Variants in IMMP2L observed in about 807,000 individuals in gnomAD.
IMMP2L encodes the protein inner mitochondrial membrane peptidase subunit 2, also known as mitochondrial inner membrane protease subunit 2.
Under a neutral mutation model 19.3 loss-of-function variants are expected in IMMP2L, and 18 were observed. That is an observed-to-expected ratio of 0.93 (90% CI 0.64 to 1.38). The LOEUF is 1.38. Among genes scored for constraint, IMMP2L ranks in the 40% most tolerant of loss-of-function variants. The probability of loss-of-function intolerance (pLI) is 0.00; values close to 1 mark genes in which losing one functional copy is unlikely to be tolerated. For missense variants in IMMP2L, 233 were observed against 218.2 expected (o/e 1.07, Z -0.43); for synonymous variants, 76 against 73.0 (o/e 1.04, Z -0.21).
intron 5 of IMMP2L, among the ~76,000 whole-genome samples, chr7:110,836,493 T>G (rs1804489960): frequency 6.6e-6 from 1 of 152,114 alleles, no homozygotes; most frequent in African/African-American, 2.4e-5. Context: ...GTACAAGCTC[T>G]CTTCTCTTGC....
intron 3 of IMMP2L, among the ~76,000 whole-genome samples, chr7:111,057,410 C>CT (rs1793612527): frequency 2.1e-5 from 1 of 46,634 alleles, no homozygotes; most frequent in South Asian, 1.5e-3. Flanking sequence ...TAATTATAGT[C>CT]TAACACCAAA....
chr7:111,366,723 C>T (rs777551797), intron 3 of IMMP2L, among the ~76,000 whole-genome samples: 2 of 151,826 alleles, frequency 1.3e-5, no homozygotes, highest in Non-Finnish European at 2.9e-5. Context: ...CTGAAACTTT[C>T]GGAAGATTCT....
intron 3 of IMMP2L, among the ~76,000 whole-genome samples, chr7:111,415,407 C>A (rs1834869233): frequency 2.6e-5 from 4 of 151,668 alleles, no homozygotes; most frequent in South Asian, 2.1e-4. Context: ...TTCAGCTATG[C>A]CCAGACTTTT....
intron 3 of IMMP2L, among the ~76,000 whole-genome samples, chr7:111,366,610 A>T (rs1829785947): frequency 6.6e-6 from 1 of 151,994 alleles, no homozygotes; most frequent in Non-Finnish European, 1.5e-5. Context: ...TATTAATGTT[A>T]AATTTACTGA....
intron 4 of IMMP2L, among the ~76,000 whole-genome samples, chr7:110,933,697 T>G (rs1585324496): frequency 6.6e-6 from 1 of 152,328 alleles, no homozygotes; most frequent in Admixed American, 6.5e-5. Context: ...CCATGGATAA[T>G]GCCTGTGGGC....
At chr7:110,831,820 T>A (rs745429227) in intron 5 of IMMP2L, among the ~76,000 whole-genome samples, 1 of 152,200 alleles carries the variant, frequency 6.6e-6, no homozygotes, top group Non-Finnish European at 1.5e-5. Context: ...TACCCAGGTA[T>A]TCTTTCCAGG....
At chr7:111,391,221 CAGCTCTCTTGCT>C (rs1290992215) in intron 3 of IMMP2L, among the ~76,000 whole-genome samples, 1 of 152,044 alleles carries the variant, frequency 6.6e-6, no homozygotes, top group African/African-American at 2.4e-5. Context: ...GCATCAGGAG[CAGCTCTCTTGCT>C]GATACTCCAT....
chr7:110,887,725 T>C (rs796230526), intron 4 of IMMP2L, among the ~76,000 whole-genome samples: 10 of 151,774 alleles, frequency 6.6e-5, no homozygotes, highest in South Asian at 6.2e-4. Flanking sequence ...AGAAGTTATT[T>C]TGGGGCAGAG....
intron 3 of IMMP2L, among the ~76,000 whole-genome samples, chr7:111,377,699 A>C (rs1830811294): frequency 6.6e-6 from 1 of 151,846 alleles, no homozygotes; most frequent in East Asian, 1.9e-4. Context: ...TCCTCTTCTT[A>C]TTTTGCTTAG....
chr7:111,207,728 G>T (rs1306229439), intron 3 of IMMP2L, among the ~76,000 whole-genome samples: 1 of 151,530 alleles, frequency 6.6e-6, no homozygotes, highest in Non-Finnish European at 1.5e-5. Flanking sequence ...TAGAGACAAG[G>T]TTTCACCATG....
chr7:111,142,437 T>C (rs1803037012), intron 3 of IMMP2L, among the ~76,000 whole-genome samples: 1 of 151,960 alleles, frequency 6.6e-6, no homozygotes, highest in South Asian at 2.1e-4. Context: ...ATCAGAAGTA[T>C]TACAAAGCTG....
At chr7:110,787,880 G>A (rs1800190059) in intron 5 of IMMP2L, among the ~76,000 whole-genome samples, 1 of 151,798 alleles carries the variant, frequency 6.6e-6, no homozygotes, top group African/African-American at 2.4e-5. Flanking sequence ...TTAAGAGAAT[G>A]GAGTAGGCTC....
chr7:110,820,074 A>T (rs2131327267), intron 5 of IMMP2L, among the ~76,000 whole-genome samples: 1 of 152,178 alleles, frequency 6.6e-6, no homozygotes, highest in African/African-American at 2.4e-5. Context: ...AGATGATAAA[A>T]ATCTAGGCTC....
intron 3 of IMMP2L, among the ~76,000 whole-genome samples, chr7:111,013,836 T>A (rs976557173): frequency 6.6e-6 from 1 of 152,076 alleles, no homozygotes; most frequent in African/African-American, 2.4e-5. Context: ...TTTTTTTTTC[T>A]TTTTTAAAAA....
intron 3 of IMMP2L, among the ~76,000 whole-genome samples, chr7:111,146,247 G>C (rs1803458915): frequency 6.7e-6 from 1 of 149,514 alleles, no homozygotes; most frequent in African/African-American, 2.5e-5. Context: ...GGGGGAGGGA[G>C]GGGAGGAAAG....
intron 5 of IMMP2L, among the ~76,000 whole-genome samples, chr7:110,743,151 T>TA (rs1358724420): frequency 2.6e-5 from 4 of 152,166 alleles, no homozygotes; most frequent in Non-Finnish European, 5.9e-5. Context: ...TTCTCAAAAT[T>TA]AAAAAATATG....
chr7:111,435,487 ACATACAGAG>A (rs1837067722), intron 3 of IMMP2L, among the ~76,000 whole-genome samples: 2 of 151,986 alleles, frequency 1.3e-5, no homozygotes, highest in East Asian at 3.9e-4. Context: ...GTACACATGG[ACATACAGAG>A]TGGAACAATG....
At chr7:111,418,937 T>G (rs1283319426) in intron 3 of IMMP2L, among the ~76,000 whole-genome samples, 2 of 151,788 alleles carry the variant, frequency 1.3e-5, no homozygotes, top group African/African-American at 2.4e-5. Flanking sequence ...CTCTTTATAT[T>G]TCATTAAGCC....
chr7:111,224,981 C>T (rs1221018986), intron 3 of IMMP2L, among the ~76,000 whole-genome samples: 1 of 152,136 alleles, frequency 6.6e-6, no homozygotes, highest in Non-Finnish European at 1.5e-5. Context: ...GGCAAATACA[C>T]ATAAAGCACT....
Sources: gnomAD v4.1 joint callset for allele counts (sites outside exome capture counted in the v4.1 genomes callset) on GRCh38, gnomAD v4.1.1 for gene constraint, MANE v1.5 for transcripts, NCBI Gene and HGNC (gene_info 2026-07-23, HGNC 2026-07-21) for gene names.